Variants in JPH2 observed in about 807,000 individuals in gnomAD.
JPH2 encodes junctophilin-2.
Under a neutral mutation model 55.9 loss-of-function variants are expected in JPH2, and 38 were observed. That is an observed-to-expected ratio of 0.68 (90% confidence interval 0.52 to 0.89). JPH2 has a LOEUF of 0.89. Among genes scored for constraint, JPH2 ranks in the 40% least tolerant of loss-of-function variants. The pLI is 0.00. For synonymous variants in JPH2, 480 were observed against 472.4 expected (o/e 1.02, Z -0.21); for missense variants, 964 against 1,037.6 (o/e 0.93, Z 0.97).
At chr20:44,133,950 TATAA>T (rs200214837) in intron 2 of JPH2, among the ~76,000 whole-genome samples, 310 of 21,198 alleles carry the variant, frequency 0.015, 72 homozygotes, top group African/African-American at 0.059. Flanking sequence ...TATAAATATA[TATAA>T]ATAAATATAT....
intron 2 of JPH2, among the ~76,000 whole-genome samples, chr20:44,138,267 A>T (rs566537555): frequency 2.0e-5 from 3 of 151,868 alleles, no homozygotes; most frequent in African/African-American, 7.2e-5. Context: ...TGGCTTCCCA[A>T]AGTGCCTCCC....
intron 1 of JPH2, 28 bp downstream of exon 1, chr20:44,186,299 A>G: frequency 3.8e-6 from 6 of 1,590,702 alleles, no homozygotes; most frequent in Non-Finnish European, 5.1e-6. Context: ...GCTCCACCCC[A>G]CCTCTGCGGG....
At chr20:44,179,613 G>A (rs142711448) in intron 1 of JPH2, among the ~76,000 whole-genome samples, 1,589 of 152,288 alleles carry the variant, frequency 0.01, 9 homozygotes, top group South Asian at 0.017. Context: ...CTGCGTCTGG[G>A]TTAATGCTCT....
chr20:44,132,557 A>G (rs1298848637), intron 2 of JPH2, among the ~76,000 whole-genome samples: 1 of 150,990 alleles, frequency 6.6e-6, no homozygotes, highest in African/African-American at 2.4e-5. Context: ...TTCAGGGCCC[A>G]AGCACGAGGC....
intron 1 of JPH2, among the ~76,000 whole-genome samples, chr20:44,171,781 G>C (rs990557638): frequency 7.2e-5 from 11 of 152,202 alleles, no homozygotes; most frequent in African/African-American, 2.2e-4. Flanking sequence ...AGGTTTCCCT[G>C]TTATCAGTTC....
rs1180889166 is a variant in JPH2, at chr20:44,114,763, T to C, written c.*14+19A>G. Reference sequence around the variant, plus strand: ...GGGGCTCCTGCCCCCCAACCCCTCCTCCAGCCAGCTGGCTGCACCTGGTAA... The same window carrying C: ...GGGGCTCCTGCCCCCCAACCCCTCCCCCAGCCAGCTGGCTGCACCTGGTAA... On this transcript the variant is annotated intron_variant, in intron 5 of 5. Transcript: ENST00000372980. 6.4e-7 allele frequency: 1 copy of C among 1,568,288 alleles called. No individual in the cohort carries two copies. The highest frequency in any genetic ancestry group is 8.7e-7 in the Non-Finnish European group (1 of 1,152,720).
At chr20:44,184,194 C>T (rs2072811825) in intron 1 of JPH2, among the ~76,000 whole-genome samples, 1 of 152,160 alleles carries the variant, frequency 6.6e-6, no homozygotes, top group South Asian at 2.1e-4. Flanking sequence ...ATAGTAAATA[C>T]TTTGGGTTTT....
intron 2 of JPH2, among the ~76,000 whole-genome samples, chr20:44,126,007 A>G (rs6103635): frequency 6.6e-6 from 1 of 151,034 alleles, no homozygotes; most frequent in Non-Finnish European, 1.5e-5. Flanking sequence ...TGGCTAATGG[A>G]CCCCGCTACT....
At chr20:44,146,817 T>A (rs761206) in intron 2 of JPH2, among the ~76,000 whole-genome samples, 7 of 152,190 alleles carry the variant, frequency 4.6e-5, no homozygotes, top group South Asian at 2.1e-4. Flanking sequence ...AGCACATAGC[T>A]CCAGCAGCAA....
intron 3 of JPH2, among the ~76,000 whole-genome samples, chr20:44,117,724 G>T (rs2072204336): frequency 6.6e-6 from 1 of 152,166 alleles, no homozygotes; most frequent in Admixed American, 6.5e-5. Context: ...CCTCTCCTGA[G>T]GGCAGCCTTC....
chr20:44,164,671 A>C (rs2072641266), intron 1 of JPH2, among the ~76,000 whole-genome samples: 1 of 149,454 alleles, frequency 6.7e-6, no homozygotes, highest in South Asian at 2.1e-4. Context: ...AAAGCCTCAA[A>C]AAACAAACAA....
intron 2 of JPH2, among the ~76,000 whole-genome samples, chr20:44,135,194 C>A (rs1280919238): frequency 1.3e-5 from 2 of 151,684 alleles, no homozygotes; most frequent in East Asian, 3.9e-4. Context: ...CCAGAGGCCA[C>A]CCCCAGAAAA....
intron 2 of JPH2, among the ~76,000 whole-genome samples, chr20:44,136,571 T>A (rs778374739): frequency 1.3e-5 from 2 of 152,096 alleles, no homozygotes; most frequent in Non-Finnish European, 1.5e-5. Context: ...GGTATCACTA[T>A]CCCCACTTTG....
chr20:44,167,089 A>G (rs56404395), intron 1 of JPH2, among the ~76,000 whole-genome samples: 4,686 of 152,296 alleles, frequency 0.031, 91 homozygotes, highest in Non-Finnish European at 0.044. Flanking sequence ...TGACAGTTCT[A>G]GCTTTGGCTT....
chr20:44,177,701 AC>A, intron 1 of JPH2: 1 of 1,314,402 alleles, frequency 7.6e-7, no homozygotes, highest in East Asian at 3.4e-5. Context: ...GATTCCATCT[AC>A]ACTGGCAGGA....
intron 1 of JPH2, among the ~76,000 whole-genome samples, chr20:44,184,014 G>A (rs2072809474): frequency 7.9e-6 from 1 of 127,016 alleles, no homozygotes; most frequent in Non-Finnish European, 1.7e-5. Context: ...AAAAAAATTA[G>A]CCAGGTGAGG....
At chr20:44,134,896 A>AT (rs2072396705) in intron 2 of JPH2, among the ~76,000 whole-genome samples, 2 of 37,216 alleles carry the variant, frequency 5.4e-5, no homozygotes, top group Middle Eastern at 0.013. Flanking sequence ...ATTAATATAT[A>AT]TTTATATATA....
chr20:44,138,897 T>A (rs1157532464), intron 2 of JPH2, among the ~76,000 whole-genome samples: 2 of 152,232 alleles, frequency 1.3e-5, no homozygotes, highest in African/African-American at 2.4e-5. Context: ...AGACAGCATG[T>A]GGACACGGCG....
rs6031441 is a variant in JPH2 at position 44,186,197 on chromosome 20, A to G, written c.379+130T>C. On this transcript the variant is annotated intron_variant, in intron 1 of 5. Transcript: ENST00000372980. ...AGAAAGGTAGAGCAGCTTGCCCAAA[A>G]CCACACAGCAAATCACTTCCTAGCC... The G allele has an allele frequency of 0.4, 421,435 of 1,061,076 alleles. 86,951 individuals carry two copies. Among genetic ancestry groups the G allele is most frequent in the Admixed American group, 0.59 (25,849 of 43,658 alleles). The allele number at this position is 1,061,076 out of a possible 1,614,324, so 65.7% of individuals were successfully genotyped here.
Sources: gnomAD v4.1 joint callset for allele counts (sites outside exome capture counted in the v4.1 genomes callset) on GRCh38, gnomAD v4.1.1 for gene constraint, MANE v1.5 for transcripts, NCBI Gene and HGNC (gene_info 2026-07-23, HGNC 2026-07-21) for gene names.